The following CCNC variants were observed in gnomAD, a reference collection of about 807,000 sequenced individuals.
CCNC encodes cyclin-C.
CCNC carries 19 observed loss-of-function variants against 50.0 expected under a neutral mutation model. The ratio of observed to expected loss-of-function variants is 0.38; its 90% CI spans 0.27 to 0.56. The LOEUF is 0.56. Ranked by LOEUF, CCNC falls within the 20% of genes least tolerant of loss-of-function variation. CCNC has a pLI of 0.72. For synonymous variants in CCNC, 93 were observed against 103.7 expected, an observed-to-expected ratio of 0.90 and a Z score of 0.63; for missense variants, 200 against 327.1, an observed-to-expected ratio of 0.61 and a Z score of 3.00.
In CCNC at chr6:99,551,874, G is replaced by A; in HGVS notation, c.368C>T (p.Ala123Val). 1 of 1,423,462 alleles carries A rather than the reference G, an allele frequency of 7.0e-7. No homozygotes were observed. Among genetic ancestry groups the A allele is most frequent in the Non-Finnish European group, 9.4e-7 (1 of 1,062,074 alleles). The allele number at this position is 1,423,462 out of a possible 1,614,324, so 88.2% of individuals were successfully genotyped here. A position where few individuals can be genotyped will look rare whatever the true frequency, so the allele number is the denominator to read the frequency against. ...CCTATAAGGAAATTCCTTTGGAAAG[G>A]CATATGAAAATCTAGTTTTTACTGC... ...TSVLKTRFSYAFPKEFPYRMN... is the reference protein window; with the variant it reads ...TSVLKTRFSYVFPKEFPYRMN... The change falls in exon 6 of 12, where the codon GCC (alanine) becomes GTC (valine). Residue 123 changes from alanine (A) to valine (V), a missense_variant. Physicochemically the swap from Ala to Val is moderately conservative, Grantham distance 64. Coordinates refer to ENST00000520429, the MANE Select transcript of CCNC (RefSeq NM_005190.4).
intron 6 of CCNC, 21 bp from the exon 7 acceptor site, chr6:99,551,049 C>T (rs1037166812): frequency 1.9e-6 from 2 of 1,068,434 alleles, no homozygotes; most frequent in African/African-American, 3.2e-5. Flanking sequence ...CAAAGATTAT[C>T]AATGAAATGT....
chr6:99,561,273 T>C, intron 4 of CCNC, 94 bp downstream of exon 4: 1 of 807,638 alleles, frequency 1.2e-6, no homozygotes, highest in Non-Finnish European at 2.2e-6. Flanking sequence ...TAAATTACCA[T>C]TTATTAATTT....
At chr6:99,561,119 A>C (rs1223290276) in intron 4 of CCNC, among the ~76,000 whole-genome samples, 1 of 152,220 alleles carries the variant, frequency 6.6e-6, no homozygotes, top group African/African-American at 2.4e-5. Context: ...TCATTTATAA[A>C]ATGGGAATAC....
intron 6 of CCNC, among the ~76,000 whole-genome samples, chr6:99,551,549 G>A (rs1236576485): frequency 6.6e-6 from 1 of 152,044 alleles, no homozygotes; most frequent in Admixed American, 6.6e-5. Flanking sequence ...TACCAATGTT[G>A]GGAGCCCCAA....
At chr6:99,558,837 T>C (rs1466522344) in intron 4 of CCNC, among the ~76,000 whole-genome samples, 3 of 152,210 alleles carry the variant, frequency 2.0e-5, no homozygotes, top group African/African-American at 4.8e-5. Context: ...GAATGTCATG[T>C]TGGCCCTCAA....
At chr6:99,567,544 TTC>T (rs1334554807) in intron 1 of CCNC, among the ~76,000 whole-genome samples, 1 of 152,178 alleles carries the variant, frequency 6.6e-6, no homozygotes. Context: ...AGTTCATTGT[TTC>T]TTTTTTTCTC....
chr6:99,568,211 G>C, intron 1 of CCNC: 1 of 496,864 alleles, frequency 2.0e-6, no homozygotes, highest in East Asian at 3.6e-5. Context: ...CCGCGGCCTA[G>C]CTAAACCAAG....
intron 5 of CCNC, among the ~76,000 whole-genome samples, chr6:99,555,378 A>G (rs1433432665): frequency 6.6e-6 from 1 of 152,120 alleles, no homozygotes; most frequent in Non-Finnish European, 1.5e-5. Context: ...TCTCTCTCAA[A>G]GATGTTTTTT....
intron 4 of CCNC, 33 bp downstream of exon 4, chr6:99,561,334 C>G (rs191835186): frequency 7.0e-7 from 1 of 1,427,876 alleles, no homozygotes; most frequent in Admixed American, 1.7e-5. Flanking sequence ...ACATTGACTA[C>G]ACTTTGATGA....
chr6:99,554,849 A>T (rs1802449082), intron 5 of CCNC, among the ~76,000 whole-genome samples: 1 of 152,178 alleles, frequency 6.6e-6, no homozygotes, highest in African/African-American at 2.4e-5. Context: ...TGCTACTGGG[A>T]TGTCATTGCT....
At chr6:99,564,372 T>C (rs962016061) in intron 1 of CCNC, among the ~76,000 whole-genome samples, 6 of 149,072 alleles carry the variant, frequency 4.0e-5, no homozygotes, top group Admixed American at 1.3e-4. Flanking sequence ...TTGCACTGAG[T>C]TGAGATCATA....
chr6:99,546,800 AG>A (rs1412169867), intron 9 of CCNC, among the ~76,000 whole-genome samples: 1 of 152,252 alleles, frequency 6.6e-6, no homozygotes, highest in Non-Finnish European at 1.5e-5. Flanking sequence ...TGTACAAAGT[AG>A]CCGTTAAACT....
In CCNC at chr6:99,543,527, G is replaced by A; in HGVS notation, c.*28C>T. On this transcript the variant is annotated 3_prime_UTR_variant, in exon 12 of 12. Coordinates refer to ENST00000520429, the MANE Select transcript of CCNC (RefSeq NM_005190.4). ...TCTGTCCAATGGTTTATTTCCAAGT[G>A]GTCCACTATGGAATTCTTCGGAATG... 2 of 1,609,730 alleles carry A rather than the reference G, an allele frequency of 1.2e-6. No homozygotes were observed. Among genetic ancestry groups the A allele is most frequent in the South Asian group, 1.1e-5 (1 of 90,878 alleles).
At chr6:99,552,039 T>C (rs968167958) in intron 5 of CCNC, 144 bp from the exon 6 acceptor site, 2 of 456,900 alleles carry the variant, frequency 4.4e-6, no homozygotes, top group Non-Finnish European at 3.6e-6. Flanking sequence ...CGCAGATTTT[T>C]ATTTACTTTC....
rs1802636236 is a variant in CCNC, at chr6:99,558,417, A to T, written c.346+80T>A. On this transcript the variant is annotated intron_variant, in intron 5 of 11. Transcript: ENST00000520429. ...CCAACCAATCTCATATGTCTCATAA[A>T]CTAAAAAAAAAAAAATCTATGTACT... 6 of 1,564,088 alleles carry T rather than the reference A, an allele frequency of 3.8e-6. No individual in the cohort carries two copies. The East Asian group carries it at 1.1e-4, about 30-fold the overall frequency.
At chr6:99,553,994 T>A (rs1583577545) in intron 5 of CCNC, among the ~76,000 whole-genome samples, 1 of 152,222 alleles carries the variant, frequency 6.6e-6, no homozygotes, top group Non-Finnish European at 1.5e-5. Context: ...CCTTTTTCTA[T>A]CCTAGGGTCT....
upstream of CCNC, chr6:99,568,764 G>A (rs1769274239): frequency 7.6e-7 from 1 of 1,311,050 alleles, no homozygotes; most frequent in South Asian, 1.6e-5. Flanking sequence ...CGCGGTAGCG[G>A]AGGGAGCCGG....
At chr6:99,558,336 T>G in intron 5 of CCNC, 161 bp downstream of exon 5, 1 of 1,065,022 alleles carries the variant, frequency 9.4e-7, no homozygotes, top group Non-Finnish European at 1.3e-6. Flanking sequence ...CCTTTTAGCT[T>G]GATTTTTTTG....
At chr6:99,544,313 G>T (rs1251325639) in intron 11 of CCNC, 2 of 1,523,470 alleles carry the variant, frequency 1.3e-6, no homozygotes, top group Non-Finnish European at 1.8e-6. Flanking sequence ...TTGAATGACT[G>T]CCTTAAACAG....
Sources: gnomAD v4.1 joint callset for allele counts (sites outside exome capture counted in the v4.1 genomes callset) on GRCh38, gnomAD v4.1.1 for gene constraint, MANE v1.5 for transcripts, NCBI Gene and HGNC (gene_info 2026-07-23, HGNC 2026-07-21) for gene names.